Variants in GNAQ observed in about 807,000 individuals in gnomAD.
The protein encoded by GNAQ is G protein subunit alpha q, also known as guanine nucleotide-binding protein G(q) subunit alpha.
A neutral mutation model predicts 43.9 loss-of-function variants in GNAQ; 8 were observed. The observed-to-expected ratio is 0.18, with a 90% CI of 0.11 to 0.33. The LOEUF is 0.33. GNAQ is among the 10% of genes least tolerant of loss of function. The pLI is 1.00. For missense variants in GNAQ, 158 were observed against 450.8 expected (o/e 0.35, Z 5.88); for synonymous variants, 155 against 170.7 (o/e 0.91, Z 0.71).
At chr9:77,831,425 A>G (rs1827295879) in intron 2 of GNAQ, among the ~76,000 whole-genome samples, 1 of 152,210 alleles carries the variant, frequency 6.6e-6, no homozygotes, top group Non-Finnish European at 1.5e-5. Flanking sequence ...CACCCATGCA[A>G]TTTAAAACCA....
Position 77,805,753 on chromosome 9 carries a change from C to A in GNAQ, c.477-8105G>T, listed in dbSNP as rs967041967. On this transcript the variant is annotated intron_variant, in intron 3 of 6. Transcript: ENST00000286548. ...TGGCAGGTTCAAAACAAAGATCACT[C>A]GGTAGCAGGTGGGTTATAATCCTAC... Among the ~76,000 whole-genome samples, 5 of 152,040 alleles carry A rather than the reference C, an allele frequency of 3.3e-5. No homozygotes were observed. In the South Asian group the frequency reaches 1.0e-3, roughly 32 times the overall value.
At chr9:77,891,573 C>T (rs1030866915) in intron 2 of GNAQ, among the ~76,000 whole-genome samples, 3 of 152,194 alleles carry the variant, frequency 2.0e-5, no homozygotes, top group Admixed American at 6.5e-5. Context: ...CGATTGTCAT[C>T]TAGGACTTCC....
chr9:77,790,317 T>C (rs893514805), intron 5 of GNAQ, among the ~76,000 whole-genome samples: 2 of 152,212 alleles, frequency 1.3e-5, no homozygotes, highest in African/African-American at 4.8e-5. Flanking sequence ...AAGCTGAATG[T>C]TATCTGAAGA....
At chr9:77,763,909 T>A (rs1179407331) in intron 5 of GNAQ, among the ~76,000 whole-genome samples, 1 of 152,210 alleles carries the variant, frequency 6.6e-6, no homozygotes, top group Non-Finnish European at 1.5e-5. Flanking sequence ...TCTTGTTCTT[T>A]CGGCAATACA....
chr9:77,802,828 G>A (rs545956710), intron 3 of GNAQ, among the ~76,000 whole-genome samples: 9 of 152,244 alleles, frequency 5.9e-5, no homozygotes, highest in African/African-American at 2.2e-4. Flanking sequence ...GTTAGAAAAT[G>A]GGAGATTTAG....
chr9:77,826,383 C>A (rs1346852766), intron 2 of GNAQ, among the ~76,000 whole-genome samples: 1 of 152,190 alleles, frequency 6.6e-6, no homozygotes, highest in South Asian at 2.1e-4. Flanking sequence ...TATGTTGAAT[C>A]TGACTCCTAC....
At chr9:78,023,795 G>A (rs1823941129) in intron 1 of GNAQ, among the ~76,000 whole-genome samples, 1 of 152,044 alleles carries the variant, frequency 6.6e-6, no homozygotes, top group Admixed American at 6.6e-5. Flanking sequence ...GAAAAAAAAT[G>A]AGGCTATCTC....
At chr9:77,929,090 CATCAGT>C (rs1477898048) in intron 1 of GNAQ, among the ~76,000 whole-genome samples, 2 of 152,112 alleles carry the variant, frequency 1.3e-5, no homozygotes, top group Non-Finnish European at 2.9e-5. Context: ...TTTAAACTAG[CATCAGT>C]ATAATTTGGA....
intron 5 of GNAQ, among the ~76,000 whole-genome samples, chr9:77,743,620 G>T (rs1035589022): frequency 6.6e-6 from 1 of 151,986 alleles, no homozygotes; most frequent in Non-Finnish European, 1.5e-5. Flanking sequence ...CTGACATTCA[G>T]TTTATGGCTA....
intron 1 of GNAQ, among the ~76,000 whole-genome samples, chr9:78,016,044 T>C (rs772057202): frequency 1.5e-4 from 23 of 152,066 alleles, no homozygotes; most frequent in Non-Finnish European, 1.6e-4. Context: ...CTGGGACAAC[T>C]GGATATTCAC....
intron 4 of GNAQ, among the ~76,000 whole-genome samples, chr9:77,797,121 C>T (rs1587920657): frequency 6.6e-6 from 1 of 152,148 alleles, no homozygotes; most frequent in Non-Finnish European, 1.5e-5. Context: ...CAACCTTCGC[C>T]TCCTGGGTTC....
At chr9:78,030,132 CAA>C (rs997778626) in intron 1 of GNAQ, among the ~76,000 whole-genome samples, 15 of 152,056 alleles carry the variant, frequency 9.9e-5, no homozygotes, top group African/African-American at 3.6e-4. Flanking sequence ...GCCCAGATTC[CAA>C]AGACATTAAA....
intron 5 of GNAQ, among the ~76,000 whole-genome samples, chr9:77,792,332 A>G (rs144720556): frequency 1.2e-3 from 186 of 152,284 alleles, no homozygotes; most frequent in Non-Finnish European, 2.0e-3. Flanking sequence ...GTAGCATAAG[A>G]CATCACCACA....
At chr9:77,989,175 T>C (rs1471458293) in intron 1 of GNAQ, among the ~76,000 whole-genome samples, 1 of 152,212 alleles carries the variant, frequency 6.6e-6, no homozygotes, top group East Asian at 1.9e-4. Flanking sequence ...ATGTTTTATT[T>C]GACAGACACG....
At chr9:77,845,466 G>A (rs1423792147) in intron 2 of GNAQ, among the ~76,000 whole-genome samples, 1 of 152,106 alleles carries the variant, frequency 6.6e-6, no homozygotes, top group African/African-American at 2.4e-5. Flanking sequence ...GAACACATGA[G>A]AAAATCTAAC....
At chr9:77,860,475 G>C (rs1001301895) in intron 2 of GNAQ, among the ~76,000 whole-genome samples, 8 of 152,120 alleles carry the variant, frequency 5.3e-5, no homozygotes, top group Non-Finnish European at 2.9e-5. Flanking sequence ...GTGAGGCGGC[G>C]GGGGGATTGT....
chr9:77,886,089 G>A (rs1828301168), intron 2 of GNAQ, among the ~76,000 whole-genome samples: 1 of 152,082 alleles, frequency 6.6e-6, no homozygotes, highest in African/African-American at 2.4e-5. Flanking sequence ...TGACTCTCCT[G>A]CCTCAGCCTC....
intron 5 of GNAQ, among the ~76,000 whole-genome samples, chr9:77,755,349 T>G (rs1429611380): frequency 6.6e-6 from 1 of 152,188 alleles, no homozygotes; most frequent in African/African-American, 2.4e-5. Context: ...ATTGTACATT[T>G]TAAGATAACT....
intron 2 of GNAQ, among the ~76,000 whole-genome samples, chr9:77,840,230 T>C (rs1054689372): frequency 2.0e-5 from 3 of 152,188 alleles, no homozygotes; most frequent in Admixed American, 6.5e-5. Flanking sequence ...TACTTCTAAA[T>C]AGAACATTAC....
Sources: allele counts gnomAD v4.1 joint callset (sites outside exome capture counted in the v4.1 genomes callset), GRCh38; gene constraint gnomAD v4.1.1; transcripts MANE v1.5; gene names NCBI Gene and HGNC (gene_info 2026-07-23, HGNC 2026-07-21).